SETD3: variants seen among roughly 807,000 people sequenced by gnomAD.
The protein encoded by SETD3 is SET domain containing 3, actin N3(tau)-histidine methyltransferase, also known as actin-histidine N-methyltransferase.
SETD3 carries 19 observed loss-of-function variants against 63.0 expected under a neutral mutation model. The observed-to-expected ratio is 0.30, with a 90% confidence interval of 0.21 to 0.44. SETD3 has a LOEUF of 0.44. Among genes scored for constraint, SETD3 ranks in the 20% least tolerant of loss-of-function variants. The pLI is 1.00. For missense variants in SETD3, 587 were observed against 728.5 expected, an observed-to-expected ratio of 0.81 and a Z score of 2.24; for synonymous variants, 286 against 264.1, an observed-to-expected ratio of 1.08 and a Z score of -0.80.
At chr14:99,420,434 C>T (rs1277639468) in intron 6 of SETD3, among the ~76,000 whole-genome samples, 1 of 152,174 alleles carries the variant, frequency 6.6e-6, no homozygotes, top group Non-Finnish European at 1.5e-5. Context: ...TACACTTCTA[C>T]TCTTTTTCCT....
intron 1 of SETD3, among the ~76,000 whole-genome samples, chr14:99,472,593 C>T (rs1424303938): frequency 1.3e-5 from 2 of 152,126 alleles, no homozygotes; most frequent in Non-Finnish European, 2.9e-5. Context: ...TCATCAATTT[C>T]CCACAAAGAC....
chr14:99,464,483 C>T (rs990093317), intron 2 of SETD3, among the ~76,000 whole-genome samples: 1 of 152,300 alleles, frequency 6.6e-6, no homozygotes, highest in Middle Eastern at 3.4e-3. Flanking sequence ...GAAGCAGCAG[C>T]GAGCCTGTCC....
intron 6 of SETD3, among the ~76,000 whole-genome samples, chr14:99,421,272 T>C (rs2139664573): frequency 6.6e-6 from 1 of 152,246 alleles, no homozygotes; most frequent in Admixed American, 6.5e-5. Context: ...GGCTAGAGTG[T>C]ATCAAAAAAG....
chr14:99,424,403 C>T (rs989886112), intron 6 of SETD3, among the ~76,000 whole-genome samples: 4 of 152,156 alleles, frequency 2.6e-5, no homozygotes, highest in African/African-American at 9.6e-5. Context: ...GACCCCAGGC[C>T]CTCCCAGAGG....
chr14:99,469,873 T>C (rs1895602637), intron 1 of SETD3, among the ~76,000 whole-genome samples: 1 of 152,216 alleles, frequency 6.6e-6, no homozygotes, highest in African/African-American at 2.4e-5. Context: ...ACGAACCCTT[T>C]CACAACCAGT....
rs2139604955 is a variant in SETD3, at chr14:99,400,207, G to A, written c.1230C>T (p.Thr410=). ...TAACAGGAAATTCCGAGTTCCCCAA[G>A]GTGAAGATTCTATCAATAGCGCTGT... ...LGDSAIDRIF[T]LGNSEFPVSW... is the part of the protein sequence containing the mutation. The change falls in exon 12 of 13, where the codon ACC becomes ACT. Residue 410 remains threonine (T), a synonymous_variant. Transcript: ENST00000331768. The A allele has an allele frequency of 1.2e-6, 2 of 1,614,088 alleles. No individual in the cohort carries two copies. Among genetic ancestry groups the A allele is most frequent in the East Asian group, 4.5e-5 (2 of 44,874 alleles).
At chr14:99,478,757 C>G (rs902119984) in intron 1 of SETD3, 1 of 152,184 alleles carries the variant, frequency 6.6e-6, no homozygotes, top group Non-Finnish European at 1.5e-5. Context: ...GCGCCGTCAT[C>G]CTGTCATTCT....
chr14:99,451,237 T>C (rs11848590), intron 6 of SETD3, among the ~76,000 whole-genome samples: 63,773 of 152,052 alleles, frequency 0.42, 13,873 homozygotes, highest in East Asian at 0.56. Flanking sequence ...TTTGGTATGT[T>C]CTGATCTGCT....
At chr14:99,482,817 A>G (rs981226285), upstream of SETD3, among the ~76,000 whole-genome samples, 5 of 152,154 alleles carry the variant, frequency 3.3e-5, no homozygotes, top group Non-Finnish European at 5.9e-5. Flanking sequence ...GGCCTATAAA[A>G]TGGGCTAGTT....
intron 8 of SETD3, among the ~76,000 whole-genome samples, chr14:99,407,736 T>C (rs1891762564): frequency 6.6e-6 from 1 of 152,128 alleles, no homozygotes; most frequent in South Asian, 2.1e-4. Context: ...CCTGCCCTCC[T>C]GTGCACTCCC....
At chr14:99,469,565 A>G (rs8006635) in intron 1 of SETD3, among the ~76,000 whole-genome samples, 149,544 of 152,336 alleles carry the variant, frequency 0.98, 73,454 homozygotes, top group East Asian at 1. Flanking sequence ...AAAACATGGC[A>G]AAACCTTGTC....
rs3834512 is a variant in SETD3 at position 99,459,305 on chromosome 14, CTTCAAATAAATA to C, written c.346-132_346-121del. On this transcript the variant is annotated intron_variant, in intron 4 of 12. Coordinates refer to ENST00000331768, the MANE Select transcript of SETD3 (RefSeq NM_032233.3). ...TACAACTTAAGGCTGCATATCAGCA[CTTCAAATAAATA>C]TTCAAATACATTTTAAAATGTAAGC... 9.4e-3 allele frequency: 5,273 copies of C among 560,496 alleles called. 113 individuals are homozygous for C. The highest frequency in any genetic ancestry group is 0.064 in the Admixed American group (1,860 of 28,980). The allele number at this position is 560,496 out of a possible 1,614,324, so 34.7% of individuals were successfully genotyped here.
chr14:99,483,831 C>A (rs1896416573), upstream of SETD3, among the ~76,000 whole-genome samples: 1 of 152,212 alleles, frequency 6.6e-6, no homozygotes, highest in African/African-American at 2.4e-5. Context: ...GGACTCTGGT[C>A]TTGCCCTTAC....
At chr14:99,439,642 T>C (rs1219386546) in intron 6 of SETD3, among the ~76,000 whole-genome samples, 8 of 147,892 alleles carry the variant, frequency 5.4e-5, no homozygotes, top group South Asian at 2.1e-4. Flanking sequence ...TTTTTATATA[T>C]ACATATATAA....
At chr14:99,428,998 G>C (rs1893032380) in intron 6 of SETD3, among the ~76,000 whole-genome samples, 1 of 151,960 alleles carries the variant, frequency 6.6e-6, no homozygotes, top group Non-Finnish European at 1.5e-5. Context: ...CCTCTAAGCA[G>C]CAAAGAAAAA....
chr14:99,405,496 A>G lies in SETD3; in HGVS notation c.925-125T>C, dbSNP rs147568405. Reference sequence around the variant, plus strand: ...ACACTAAATAGCTGAAAGTATTGATACACCTGTTTGGTATAGGTTGCAAGG... The same window carrying G: ...ACACTAAATAGCTGAAAGTATTGATGCACCTGTTTGGTATAGGTTGCAAGG... On this transcript the variant is annotated intron_variant, in intron 9 of 12. Transcript: ENST00000331768. 4,484 of 1,052,000 alleles carry G rather than the reference A, an allele frequency of 4.3e-3. 14 individuals carry two copies. The highest frequency in any genetic ancestry group is 5.3e-3 in the Non-Finnish European group (3,909 of 744,232). 65.2% of individuals were successfully genotyped at this position (1,052,000 alleles called of 1,614,324 possible).
intron 6 of SETD3, among the ~76,000 whole-genome samples, chr14:99,438,304 T>C (rs1052959784): frequency 2.6e-5 from 4 of 152,206 alleles, no homozygotes; most frequent in African/African-American, 9.6e-5. Flanking sequence ...GAATAAAAAT[T>C]TGCTCTAGGC....
chr14:99,407,688 C>G (rs752970763), intron 8 of SETD3, among the ~76,000 whole-genome samples: 9 of 152,184 alleles, frequency 5.9e-5, no homozygotes, highest in Non-Finnish European at 1.2e-4. Flanking sequence ...CCTTCTACTC[C>G]TGTTGTGGCC....
intron 6 of SETD3, among the ~76,000 whole-genome samples, chr14:99,423,399 T>G (rs766710705): frequency 1.3e-5 from 2 of 151,910 alleles, no homozygotes; most frequent in Non-Finnish European, 2.9e-5. Context: ...AGAATGGTAT[T>G]ATAGTAAGTC....
Sources: gnomAD v4.1 joint callset for allele counts (sites outside exome capture counted in the v4.1 genomes callset) on GRCh38, gnomAD v4.1.1 for gene constraint, MANE v1.5 for transcripts, NCBI Gene and HGNC (gene_info 2026-07-23, HGNC 2026-07-21) for gene names.